The following LIX1 variants were observed in gnomAD, a reference collection of about 807,000 sequenced individuals.
LIX1 encodes the protein protein limb expression 1 homolog.
Under a neutral mutation model 33.4 loss-of-function variants are expected in LIX1, and 24 were observed. The observed-to-expected ratio is 0.72, with a 90% CI of 0.52 to 1.01. The LOEUF (loss-of-function observed/expected upper bound fraction) is 1.01, where lower values mean the gene tolerates loss of function less well. Ranked by LOEUF, LIX1 falls within the 50% of genes least tolerant of loss-of-function variation. The probability of loss-of-function intolerance (pLI) is 0.00; values close to 1 mark genes in which losing one functional copy is unlikely to be tolerated. For missense variants in LIX1, 311 were observed against 339.2 expected, an observed-to-expected ratio of 0.92 and a Z score of 0.65; for synonymous variants, 124 against 124.0, an observed-to-expected ratio of 1.00 and a Z score of 0.00.
rs569275940 is a variant in LIX1, at chr5:97,120,819, C to G, written c.246+3647G>C. 4.5e-3 allele frequency among the ~76,000 whole-genome samples: 686 copies of G among 152,214 alleles called. 1 individual carries two copies. The highest frequency in any genetic ancestry group is 7.1e-3 in the Non-Finnish European group (482 of 67,988). ...GTAACAGGGAGCCATTGAAGCCCCC[C>G]TTTTTACTTTCTATTTTGAAATAAA... is the stretch of plus-strand genomic sequence containing the variant. On this transcript the variant is annotated intron_variant, in intron 2 of 5. Coordinates refer to ENST00000274382, the MANE Select transcript of LIX1 (RefSeq NM_153234.5).
intron 1 of LIX1, among the ~76,000 whole-genome samples, chr5:97,128,258 T>A (rs1490837259): frequency 6.6e-6 from 1 of 152,252 alleles, no homozygotes; most frequent in Non-Finnish European, 1.5e-5. Context: ...AATTCCTGGT[T>A]TTCAGTCCTT....
chr5:97,118,222 A>G (rs1747686154), intron 2 of LIX1, among the ~76,000 whole-genome samples: 3 of 152,212 alleles, frequency 2.0e-5, no homozygotes, highest in Non-Finnish European at 4.4e-5. Context: ...CTCTAGTACT[A>G]TATTCGAGGA....
chr5:97,103,633 G>A (rs1319832077), intron 4 of LIX1, among the ~76,000 whole-genome samples: 2 of 152,168 alleles, frequency 1.3e-5, no homozygotes, highest in Non-Finnish European at 2.9e-5. Flanking sequence ...GACAGGCTAC[G>A]TCAAAGGTCA....
intron 3 of LIX1, among the ~76,000 whole-genome samples, chr5:97,106,112 C>G (rs891127977): frequency 6.6e-6 from 1 of 152,178 alleles, no homozygotes; most frequent in Non-Finnish European, 1.5e-5. Context: ...AAGCATGCAA[C>G]CATGTATATT....
intron 1 of LIX1, among the ~76,000 whole-genome samples, chr5:97,127,583 T>C (rs545363337): frequency 6.6e-6 from 1 of 152,308 alleles, no homozygotes; most frequent in African/African-American, 2.4e-5. Flanking sequence ...ATTCCAAAGA[T>C]GGGTATATCA....
chr5:97,126,240 C>A (rs1747917262), intron 1 of LIX1, among the ~76,000 whole-genome samples: 1 of 152,322 alleles, frequency 6.6e-6, no homozygotes, highest in Admixed American at 6.5e-5. Flanking sequence ...TGAATATATT[C>A]TTGGATCTGC....
At chr5:97,109,638 T>TTGCGGTGATTTCTGGGAA (rs552848471) in intron 2 of LIX1, among the ~76,000 whole-genome samples, 4 of 152,160 alleles carry the variant, frequency 2.6e-5, no homozygotes, top group Admixed American at 6.5e-5. Context: ...ATAAGTTCTT[T>TTGCGGTGATTTCTGGGAA]TGCGGTGATT....
chr5:97,100,842 A>G (rs1337597515), intron 4 of LIX1, among the ~76,000 whole-genome samples: 2 of 151,812 alleles, frequency 1.3e-5, no homozygotes, highest in African/African-American at 4.8e-5. Context: ...TGAGGCAGGA[A>G]GATCATGAGT....
At chr5:97,098,297 A>G (rs1227478169) in intron 4 of LIX1, among the ~76,000 whole-genome samples, 1 of 152,244 alleles carries the variant, frequency 6.6e-6, no homozygotes, top group Non-Finnish European at 1.5e-5. Flanking sequence ...TGAGCACAGC[A>G]TTCAGACTAT....
chr5:97,098,080 T>C (rs888468986), intron 4 of LIX1, among the ~76,000 whole-genome samples: 2 of 152,242 alleles, frequency 1.3e-5, no homozygotes, highest in Non-Finnish European at 2.9e-5. Flanking sequence ...ATTCTAAAAT[T>C]GCAAGTAAAA....
chr5:97,117,384 G>T (rs1747661266), intron 2 of LIX1, among the ~76,000 whole-genome samples: 1 of 152,166 alleles, frequency 6.6e-6, no homozygotes, highest in Admixed American at 6.5e-5. Flanking sequence ...TTTATAGCAG[G>T]AACTAAATCC....
rs1746225702 is a variant in LIX1 at position 97,094,284 on chromosome 5, C to T, written c.*464G>A. 6.3e-6 allele frequency: 1 copy of T among 158,594 alleles called. No individual in the cohort carries two copies. Among genetic ancestry groups the T allele is most frequent in the South Asian group, 1.8e-4 (1 of 5,630 alleles). The allele number at this position is 158,594 out of a possible 1,614,324, so 9.8% of individuals were successfully genotyped here. ...AGCTTACAAAGCTTAGAAAGAGACTCTGATCCTTGGATATTTTTTAAAACA... is the reference window on the plus strand; with the variant it reads ...AGCTTACAAAGCTTAGAAAGAGACTTTGATCCTTGGATATTTTTTAAAACA... On this transcript the variant is annotated 3_prime_UTR_variant, in exon 6 of 6. Transcript: ENST00000274382.
intron 4 of LIX1, among the ~76,000 whole-genome samples, chr5:97,103,809 CA>C (rs1224835778): frequency 2.0e-5 from 3 of 151,768 alleles, no homozygotes; most frequent in Non-Finnish European, 4.4e-5. Flanking sequence ...ACTAAAAATA[CA>C]AAAAATTAGC....
intron 1 of LIX1, among the ~76,000 whole-genome samples, chr5:97,128,076 G>A (rs58583495): frequency 0.011 from 1,699 of 152,262 alleles, 24 homozygotes; most frequent in African/African-American, 0.039. Flanking sequence ...ACTCAATCTT[G>A]GAGCTATGTC....
At chr5:97,113,892 C>T (rs536711577) in intron 2 of LIX1, among the ~76,000 whole-genome samples, 1 of 152,298 alleles carries the variant, frequency 6.6e-6, no homozygotes, top group Admixed American at 6.5e-5. Context: ...AAAGGCCAAG[C>T]AAGATACAGT....
At position 97,093,713 on chromosome 5, in the gene LIX1, C is replaced by T. The variant is rs1561483909; in HGVS notation, c.*1035G>A. 1.3e-5 allele frequency: 2 copies of T among 150,278 alleles called. No individual in the cohort carries two copies. Among genetic ancestry groups the T allele is most frequent in the Admixed American group, 6.6e-5 (1 of 15,052 alleles). 9.3% of individuals were successfully genotyped at this position (150,278 alleles called of 1,614,324 possible). On this transcript the variant is annotated 3_prime_UTR_variant, in exon 6 of 6. Transcript: ENST00000274382. ...ATGAGTTAAATAGAGATGGCAATGT[C>T]TTATCCTTCCTTTAAAGAAGATTCC...
At chr5:97,138,565 G>A (rs1748216904) in intron 1 of LIX1, among the ~76,000 whole-genome samples, 1 of 152,162 alleles carries the variant, frequency 6.6e-6, no homozygotes, top group African/African-American at 2.4e-5. Context: ...CGGCATGTCA[G>A]CATGACCCAA....
At chr5:97,115,210 ATT>A (rs1396060033) in intron 2 of LIX1, among the ~76,000 whole-genome samples, 1 of 152,234 alleles carries the variant, frequency 6.6e-6, no homozygotes, top group African/African-American at 2.4e-5. Context: ...CTAGTTAACT[ATT>A]TAGCATTAAC....
chr5:97,098,040 AT>A (rs1301893246), intron 4 of LIX1, among the ~76,000 whole-genome samples: 4 of 152,232 alleles, frequency 2.6e-5, no homozygotes, highest in Non-Finnish European at 5.9e-5. Context: ...CGGAACGCTC[AT>A]TCTGTTTTAC....
Sources: gnomAD v4.1 joint callset for allele counts (sites outside exome capture counted in the v4.1 genomes callset) on GRCh38, gnomAD v4.1.1 for gene constraint, MANE v1.5 for transcripts, NCBI Gene and HGNC (gene_info 2026-07-23, HGNC 2026-07-21) for gene names.